LRRFIP2: variants seen among roughly 807,000 people sequenced by gnomAD.
LRRFIP2 encodes the protein leucine-rich repeat flightless-interacting protein 2.
LRRFIP2 carries 109 observed loss-of-function variants against 125.9 expected under a neutral mutation model. The ratio of observed to expected loss-of-function variants is 0.87; its 90% CI spans 0.74 to 1.01. The LOEUF is 1.01. LRRFIP2 is among the 50% of genes least tolerant of loss of function. The pLI is 0.00. For missense variants in LRRFIP2, 850 were observed against 862.3 expected (o/e 0.99, Z 0.18); for synonymous variants, 291 against 293.1 (o/e 0.99, Z 0.07).
chr3:37,123,159 A>C (rs1168117333), intron 4 of LRRFIP2, among the ~76,000 whole-genome samples: 1 of 151,812 alleles, frequency 6.6e-6, no homozygotes, highest in Non-Finnish European at 1.5e-5. Context: ...GGAATTCGTC[A>C]CTGATTTACA....
At chr3:37,174,459 G>A (rs1489148214) in intron 1 of LRRFIP2, 80 bp downstream of exon 1, 1 of 152,118 alleles carries the variant, frequency 6.6e-6, no homozygotes, top group East Asian at 1.9e-4. Context: ...TTTAAAGACA[G>A]AATCACAAAA....
At chr3:37,055,993 GT>G (rs1356891243) in intron 25 of LRRFIP2, among the ~76,000 whole-genome samples, 1 of 152,128 alleles carries the variant, frequency 6.6e-6, no homozygotes, top group African/African-American at 2.4e-5. Context: ...TTCCCTTGCT[GT>G]ATTTTATTTG....
intron 4 of LRRFIP2, among the ~76,000 whole-genome samples, chr3:37,122,132 T>G (rs1445313517): frequency 8.3e-5 from 12 of 143,734 alleles, no homozygotes; most frequent in Admixed American, 2.9e-4. Flanking sequence ...GTGTTCTCAT[T>G]GTTCAATTCC....
rs2088382853 is a variant in LRRFIP2, at chr3:37,060,722, C to A, written c.1750-1812G>T. 6.6e-6 allele frequency among the ~76,000 whole-genome samples: 1 copy of A among 152,040 alleles called. No individual in the cohort carries two copies. The highest frequency in any genetic ancestry group is 1.5e-5 in the Non-Finnish European group (1 of 68,010). ...TTCCCTAAAAGTCCCAGGTCTTAAT[C>A]TCGTCTCTTCAAATTATATACACTA... is the stretch of plus-strand genomic sequence containing the variant. On this transcript the variant is annotated intron_variant, in intron 24 of 27. Coordinates refer to ENST00000336686, the MANE Select transcript of LRRFIP2 (RefSeq NM_006309.4). This position sits in a 1 kb window ranked among gnomAD's most constrained non-coding sequence, Gnocchi z 4.1.
At chr3:37,102,827 A>C (rs578131614) in intron 15 of LRRFIP2, 97 bp downstream of exon 15, 1 of 840,884 alleles carries the variant, frequency 1.2e-6, no homozygotes, top group Admixed American at 3.0e-5. Context: ...TAAGACAATA[A>C]ATCAAGTTCC....
chr3:37,108,886 A>G (rs2094448856), intron 11 of LRRFIP2, among the ~76,000 whole-genome samples: 1 of 152,336 alleles, frequency 6.6e-6, no homozygotes, highest in Admixed American at 6.5e-5. Flanking sequence ...TTTTTTAAAA[A>G]ACACCCCTGG....
intron 21 of LRRFIP2, among the ~76,000 whole-genome samples, chr3:37,070,910 T>C (rs1248468755): frequency 6.6e-6 from 1 of 152,118 alleles, no homozygotes; most frequent in Non-Finnish European, 1.5e-5. Context: ...TTATGTGAAG[T>C]CCTAAAAGAA....
At chr3:37,176,190 G>A (rs1048362390), upstream of LRRFIP2, 2 of 152,294 alleles carry the variant, frequency 1.3e-5, no homozygotes, top group Non-Finnish European at 2.9e-5. Context: ...TCCCCGGCCA[G>A]GCGGGCGGGG....
chr3:37,087,612 G>A (rs1040162415), intron 18 of LRRFIP2, among the ~76,000 whole-genome samples: 5 of 148,996 alleles, frequency 3.4e-5, no homozygotes, highest in African/African-American at 9.9e-5. Context: ...TTTTTGAGAC[G>A]GAGTCTCACT....
At chr3:37,150,961 C>A (rs1177360067) in intron 1 of LRRFIP2, among the ~76,000 whole-genome samples, 1 of 152,188 alleles carries the variant, frequency 6.6e-6, no homozygotes, top group Non-Finnish European at 1.5e-5. Context: ...TTCATCAGAG[C>A]TAGCTTGTTA....
chr3:37,084,831 C>G (rs181970501), intron 18 of LRRFIP2, among the ~76,000 whole-genome samples: 33 of 150,538 alleles, frequency 2.2e-4, no homozygotes, highest in Non-Finnish European at 3.7e-4. Context: ...TTGGTAATTA[C>G]TACTGCCTAA....
chr3:37,175,716 C>G (rs1165802256), upstream of LRRFIP2: 1 of 152,294 alleles, frequency 6.6e-6, no homozygotes, highest in Admixed American at 6.5e-5. Context: ...TGGGACAGAA[C>G]CGTAGTGTGG....
At chr3:37,110,686 T>G (rs1429401210) in intron 9 of LRRFIP2, among the ~76,000 whole-genome samples, 1 of 152,206 alleles carries the variant, frequency 6.6e-6, no homozygotes, top group African/African-American at 2.4e-5. Flanking sequence ...AAAGGAAATA[T>G]AATGAATTAT....
chr3:37,109,949 T>C (rs942279579), intron 9 of LRRFIP2, among the ~76,000 whole-genome samples: 5 of 152,192 alleles, frequency 3.3e-5, no homozygotes. Flanking sequence ...TATAAATATG[T>C]TTATGTCCCA....
At chr3:37,096,731 G>T (rs753345677) in intron 15 of LRRFIP2, 71 bp from the exon 16 acceptor site, 2 of 787,080 alleles carry the variant, frequency 2.5e-6, no homozygotes, top group Non-Finnish European at 4.2e-6. Flanking sequence ...GGAAAAAAGT[G>T]ATCTTGAGTT....
rs775973921 is a variant in LRRFIP2, at chr3:37,053,825, A to ATC, written c.*24_*25dup. The ATC allele has an allele frequency of 6.7e-7, 1 of 1,490,640 alleles. No individual in the cohort carries two copies. Among genetic ancestry groups the ATC allele is most frequent in the South Asian group, 1.1e-5 (1 of 88,574 alleles). The allele number at this position is 1,490,640 out of a possible 1,614,324, so 92.3% of individuals were successfully genotyped here. On this transcript the variant is annotated 3_prime_UTR_variant, in exon 28 of 28. Coordinates refer to ENST00000336686, the MANE Select transcript of LRRFIP2 (RefSeq NM_006309.4). Reference sequence around the variant, plus strand: ...CCCTCTAGGTAGGGCCCCAAGGAGCATCACCCAGGTTGAAGGGTGGTTTTC... The same window carrying ATC: ...CCCTCTAGGTAGGGCCCCAAGGAGCATCTCACCCAGGTTGAAGGGTGGTTTTC...
At chr3:37,074,834 A>ATAGGATTTATAG (rs2091797806) in intron 20 of LRRFIP2, among the ~76,000 whole-genome samples, 190 bp downstream of exon 20, 2 of 152,216 alleles carry the variant, frequency 1.3e-5, no homozygotes, top group African/African-American at 4.8e-5. Flanking sequence ...AAAGTGGGGT[A>ATAGGATTTATAG]ATGTTTATAG....
chr3:37,065,387 G>GTGA (rs1278210610), intron 23 of LRRFIP2: 6 of 320,148 alleles, frequency 1.9e-5, no homozygotes, highest in Non-Finnish European at 3.7e-5. Context: ...AAATGTGGTG[G>GTGA]AAAAGAGGTA....
intron 19 of LRRFIP2, among the ~76,000 whole-genome samples, chr3:37,076,362 A>G (rs1196616332): frequency 6.6e-6 from 1 of 151,772 alleles, no homozygotes; most frequent in African/African-American, 2.4e-5. Flanking sequence ...CCATCTCTAT[A>G]AAAAAAATTC....
Sources: gnomAD v4.1 joint callset for allele counts (sites outside exome capture counted in the v4.1 genomes callset) on GRCh38, gnomAD v4.1.1 for gene constraint, Gnocchi (gnomAD v3.1) non-coding constraint, MANE v1.5 for transcripts, NCBI Gene and HGNC (gene_info 2026-07-23, HGNC 2026-07-21) for gene names.